The following FYCO1 variants were observed in gnomAD, a reference collection of about 807,000 sequenced individuals.
FYCO1 encodes the protein FYVE and coiled-coil domain autophagy adaptor 1, also known as FYVE and coiled-coil domain-containing protein 1.
Under a neutral mutation model 165.1 loss-of-function variants are expected in FYCO1, and 122 were observed. That is an observed-to-expected ratio of 0.74 (90% CI 0.64 to 0.86). FYCO1 has a LOEUF of 0.86. Ranked by LOEUF, FYCO1 falls within the 40% of genes least tolerant of loss-of-function variation. The pLI is 0.00. For missense variants in FYCO1, 1,702 were observed against 1,810.3 expected (o/e 0.94, Z 1.09); for synonymous variants, 648 against 742.5 (o/e 0.87, Z 2.07).
intron 14 of FYCO1, chr3:45,948,222 A>G (rs969025774): frequency 1.8e-5 from 3 of 167,114 alleles, no homozygotes; most frequent in African/African-American, 7.2e-5. Context: ...GCATTTTAAA[A>G]ATGAAATTTT....
intron 5 of FYCO1, among the ~76,000 whole-genome samples, chr3:45,974,567 CA>C (rs1200252003): frequency 1.3e-5 from 2 of 151,830 alleles, no homozygotes; most frequent in East Asian, 3.9e-4. Context: ...TTTTTAGATT[CA>C]AAAAAATTTG....
At chr3:45,941,521 G>A (rs549204553) in intron 14 of FYCO1, among the ~76,000 whole-genome samples, 2 of 152,340 alleles carry the variant, frequency 1.3e-5, no homozygotes, top group East Asian at 3.9e-4. Flanking sequence ...TTGGCAGATA[G>A]TAAACGGCAT....
intron 16 of FYCO1, among the ~76,000 whole-genome samples, chr3:45,928,928 C>T (rs1703455922): frequency 6.6e-6 from 1 of 152,234 alleles, no homozygotes; most frequent in Admixed American, 6.5e-5. Context: ...GTATACAGGA[C>T]ACACTCAATA....
chr3:45,975,147 A>T, intron 5 of FYCO1, 92 bp downstream of exon 5: 1 of 877,252 alleles, frequency 1.1e-6, no homozygotes, highest in Admixed American at 1.7e-5. Context: ...GACACAAATG[A>T]GCACTACTGT....
chr3:45,927,554 A>G (rs897566803), intron 16 of FYCO1, among the ~76,000 whole-genome samples: 3 of 152,176 alleles, frequency 2.0e-5, no homozygotes, highest in Admixed American at 2.0e-4. Context: ...GGCCCCTGAC[A>G]AGGCTGGAGG....
At chr3:45,948,646 G>A (rs764028984) in intron 14 of FYCO1, among the ~76,000 whole-genome samples, 1 of 152,194 alleles carries the variant, frequency 6.6e-6, no homozygotes, top group African/African-American at 2.4e-5. Flanking sequence ...CTGTTCAATA[G>A]GCTTAAAGAT....
chr3:45,949,107 G>A (rs1704829195), intron 14 of FYCO1, among the ~76,000 whole-genome samples: 1 of 152,186 alleles, frequency 6.6e-6, no homozygotes, highest in Non-Finnish European at 1.5e-5. Context: ...CATACCATGT[G>A]CACCTGGTGC....
chr3:45,980,938 C>T (rs1453229538), intron 3 of FYCO1, among the ~76,000 whole-genome samples: 4 of 152,168 alleles, frequency 2.6e-5, no homozygotes, highest in African/African-American at 4.8e-5. Flanking sequence ...TTTTTTACAT[C>T]AGCACTTTTT....
chr3:45,928,499 C>T (rs527545855), intron 16 of FYCO1, among the ~76,000 whole-genome samples: 9 of 152,326 alleles, frequency 5.9e-5, no homozygotes, highest in South Asian at 2.1e-4. Context: ...ATCTCAGTGT[C>T]GAGTCTATGA....
At chr3:45,986,286 C>T (rs1048063133) in intron 1 of FYCO1, among the ~76,000 whole-genome samples, 2 of 152,162 alleles carry the variant, frequency 1.3e-5, no homozygotes, top group African/African-American at 4.8e-5. Flanking sequence ...GAGGTACTAC[C>T]ATGAACTCCA....
At chr3:45,946,601 G>A in intron 14 of FYCO1, 2 of 1,614,202 alleles carry the variant, frequency 1.2e-6, no homozygotes, top group African/African-American at 1.3e-5. Context: ...TGTACCTGGT[G>A]GTGTTTGTCT....
At chr3:45,933,358 G>C (rs969838039) in intron 15 of FYCO1, among the ~76,000 whole-genome samples, 1 of 152,088 alleles carries the variant, frequency 6.6e-6, no homozygotes, top group Non-Finnish European at 1.5e-5. Context: ...CTTTGAAAGA[G>C]GCAGAAAAAA....
intron 1 of FYCO1, among the ~76,000 whole-genome samples, chr3:45,988,242 T>G (rs889030733): frequency 9.9e-5 from 15 of 152,162 alleles, no homozygotes; most frequent in African/African-American, 3.6e-4. Flanking sequence ...ACCATGGGGA[T>G]GCTATTTTCA....
chr3:45,945,519 A>C (rs1704532656), intron 14 of FYCO1: 1 of 152,256 alleles, frequency 6.6e-6, no homozygotes, highest in Non-Finnish European at 1.5e-5. Flanking sequence ...TGCCCTGGGT[A>C]AGAAAGGTTG....
chr3:45,972,532 A>C (rs28670183), intron 6 of FYCO1, among the ~76,000 whole-genome samples: 2,571 of 152,322 alleles, frequency 0.017, 72 homozygotes, highest in African/African-American at 0.057. Context: ...TGACTTTGTC[A>C]AGTCCCCTGA....
rs150849989 is a variant in FYCO1, at chr3:45,964,621, G to T, written c.3151-167C>A. On this transcript the variant is annotated intron_variant, in intron 9 of 17. Coordinates refer to ENST00000296137, the MANE Select transcript of FYCO1 (RefSeq NM_024513.4). This position sits in a 1 kb window ranked among gnomAD's most constrained non-coding sequence, Gnocchi z 4.1. ...TGAACCTCTGCTCTATATTTGTGGG[G>T]CCTCAACTGCAACTAGTTGTGGTGG... 8.2e-4 allele frequency: 722 copies of T among 884,464 alleles called. 8 individuals are homozygous for T. The African/African-American group carries it at 0.012, about 15-fold the overall frequency. The allele number at this position is 884,464 out of a possible 1,614,324, so 54.8% of individuals were successfully genotyped here. A position where few individuals can be genotyped will look rare whatever the true frequency, so the allele number is the denominator to read the frequency against.
At chr3:45,938,241 G>A (rs1270250709) in intron 14 of FYCO1, 1 of 1,289,114 alleles carries the variant, frequency 7.8e-7, no homozygotes, top group East Asian at 5.6e-5. Context: ...ACCCTTGCTG[G>A]CCCCGACAGA....
In FYCO1 at chr3:45,959,460, T is replaced by G; in HGVS notation, c.3520A>C (p.Thr1174Pro). Residue 1174 changes from threonine (T) to proline (P), a missense_variant, in exon 12 of 18, where the codon ACA becomes CCA. Thr to Pro is a conservative substitution (Grantham distance 38). Coordinates refer to ENST00000296137, the MANE Select transcript of FYCO1 (RefSeq NM_024513.4). Reference protein sequence around the residue: ...LSAEERWLGDTEANHCLDCKR... With the variant: ...LSAEERWLGDPEANHCLDCKR... ...CAGTCGAGGCAGTGGTTTGCCTCTG[T>G]GTCTCCGAGCCATCTCTCCTCAGCA... 3 of 1,614,148 alleles carry G rather than the reference T, an allele frequency of 1.9e-6. No homozygotes were observed. Among genetic ancestry groups the G allele is most frequent in the Non-Finnish European group, 2.5e-6 (3 of 1,180,030 alleles).
At chr3:45,928,816 C>T (rs1213377508) in intron 16 of FYCO1, among the ~76,000 whole-genome samples, 3 of 151,446 alleles carry the variant, frequency 2.0e-5, no homozygotes, top group Non-Finnish European at 4.4e-5. Context: ...TCACAAATGT[C>T]TATTTATTAG....
Sources: gnomAD v4.1 joint callset for allele counts (sites outside exome capture counted in the v4.1 genomes callset) on GRCh38, gnomAD v4.1.1 for gene constraint, Gnocchi (gnomAD v3.1) non-coding constraint, MANE v1.5 for transcripts, NCBI Gene and HGNC (gene_info 2026-07-23, HGNC 2026-07-21) for gene names.